Variants in LRRC52 observed in about 807,000 individuals in gnomAD.
LRRC52 encodes the protein leucine rich repeat containing 52.
A neutral mutation model predicts 14.7 loss-of-function variants in LRRC52; 15 were observed. The ratio of observed to expected loss-of-function variants is 1.02; its 90% CI spans 0.68 to 1.58. LRRC52 has a LOEUF of 1.58. Among genes scored for constraint, LRRC52 ranks in the 40% most tolerant of loss-of-function variants. The pLI is 0.00. For missense variants in LRRC52, 400 were observed against 387.7 expected (o/e 1.03, Z -0.27); for synonymous variants, 180 against 163.9 (o/e 1.10, Z -0.75).
intron 1 of LRRC52, among the ~76,000 whole-genome samples, chr1:165,548,379 C>T (rs1032296098): frequency 3.3e-5 from 5 of 152,182 alleles, no homozygotes; most frequent in Admixed American, 6.5e-5. Context: ...ATGAAGGTAA[C>T]TAACCAAGAA....
In LRRC52 at chr1:165,544,462, C is replaced by A. The variant is rs367686135; in HGVS notation, c.166C>A (p.Arg56=). ...EYPLDIPLNT[R]RLFLNENRIT... is the part of the protein sequence containing the mutation. ...CCCCCTTGACATACCCCTGAACACC[C>A]GGAGGCTGTTCCTGAACGAGAACAG... Residue 56 remains arginine, a synonymous_variant, in exon 1 of 2, where the codon CGG becomes AGG. Coordinates refer to ENST00000294818, the MANE Select transcript of LRRC52 (RefSeq NM_001005214.4). 2 of 1,614,056 alleles carry A rather than the reference C, an allele frequency of 1.2e-6. No homozygotes were observed. The highest frequency in any genetic ancestry group is 2.7e-5 in the African/African-American group (2 of 74,922).
intron 1 of LRRC52, among the ~76,000 whole-genome samples, chr1:165,554,452 T>TTGTTG (rs1661195034): frequency 6.6e-6 from 1 of 151,964 alleles, no homozygotes; most frequent in Admixed American, 6.6e-5. Context: ...GTTGTTGTTG[T>TTGTTG]TTTTTGGAGG....
chr1:165,557,286 C>A (rs1661255024), intron 1 of LRRC52, among the ~76,000 whole-genome samples: 1 of 152,144 alleles, frequency 6.6e-6, no homozygotes, highest in Non-Finnish European at 1.5e-5. Flanking sequence ...TCCATTCCTG[C>A]CTCCTTGGAG....
rs565396303 is a variant in LRRC52, at chr1:165,544,082, G to A, written c.-215G>A. 37 of 608,116 alleles carry A rather than the reference G, an allele frequency of 6.1e-5. No individual in the cohort carries two copies. In the South Asian group the frequency reaches 6.7e-4, roughly 11 times the overall value. 37.7% of individuals were successfully genotyped at this position (608,116 alleles called of 1,614,324 possible). ...AAGCTTCCAGCAGCAGTCTGGGAGCGAGCGACAGAGCCACCAAGCTGGGCG... is the reference window on the plus strand; with the variant it reads ...AAGCTTCCAGCAGCAGTCTGGGAGCAAGCGACAGAGCCACCAAGCTGGGCG... On this transcript the variant is annotated 5_prime_UTR_variant, in exon 1 of 2. Coordinates refer to ENST00000294818, the MANE Select transcript of LRRC52 (RefSeq NM_001005214.4).
rs148504314 is a variant in LRRC52, at chr1:165,560,582, G to A, written c.623-2923G>A. ...AAGGAAATGCTAGGGATGAGTTCAC[G>A]AGTGGGAACAATCACATGTCCTCTG... On this transcript the variant is annotated intron_variant, in intron 1 of 1. Coordinates refer to ENST00000294818, the MANE Select transcript of LRRC52 (RefSeq NM_001005214.4). 3.3e-3 allele frequency among the ~76,000 whole-genome samples: 503 copies of A among 152,300 alleles called. 2 individuals are homozygous for A. The highest frequency in any genetic ancestry group is 0.011 in the African/African-American group (475 of 41,566).
At chr1:165,551,726 T>C (rs1661136002) in intron 1 of LRRC52, among the ~76,000 whole-genome samples, 1 of 152,064 alleles carries the variant, frequency 6.6e-6, no homozygotes, top group South Asian at 2.1e-4. Context: ...ATGTGCTGCT[T>C]CAGGTCCAAG....
chr1:165,545,586 TG>T (rs1661004671), intron 1 of LRRC52, among the ~76,000 whole-genome samples: 1 of 136,330 alleles, frequency 7.3e-6, no homozygotes, highest in Non-Finnish European at 1.6e-5. Context: ...CAGTGCTCAC[TG>T]TGTCAAGCAG....
intron 1 of LRRC52, among the ~76,000 whole-genome samples, chr1:165,562,680 C>A (rs138958290): frequency 2.0e-5 from 3 of 152,152 alleles, no homozygotes; most frequent in Non-Finnish European, 4.4e-5. Flanking sequence ...AGCTCCAGAG[C>A]CCACTTTTCT....
At chr1:165,549,250 C>G (rs1661083415) in intron 1 of LRRC52, among the ~76,000 whole-genome samples, 1 of 152,182 alleles carries the variant, frequency 6.6e-6, no homozygotes, top group Non-Finnish European at 1.5e-5. Flanking sequence ...CCTGAGTCAC[C>G]TGAACCTAGA....
intron 1 of LRRC52, among the ~76,000 whole-genome samples, chr1:165,562,449 A>G (rs546615871): frequency 6.6e-6 from 1 of 152,272 alleles, no homozygotes; most frequent in East Asian, 1.9e-4. Context: ...TGGAGTTAGA[A>G]AAATGTAGGG....
chr1:165,556,961 C>T (rs1443753099), intron 1 of LRRC52, among the ~76,000 whole-genome samples: 1 of 152,122 alleles, frequency 6.6e-6, no homozygotes, highest in Non-Finnish European at 1.5e-5. Context: ...GGAACCTGTC[C>T]TAAACAACAG....
intron 1 of LRRC52, 54 bp downstream of exon 1, chr1:165,544,972 A>C: frequency 1.3e-6 from 2 of 1,589,280 alleles, no homozygotes; most frequent in Non-Finnish European, 1.7e-6. Flanking sequence ...GGCTCCAGAA[A>C]AGGTGAACTC....
rs760411659 is a variant in LRRC52 at position 165,544,383 on chromosome 1, TTGTC to T, written c.91_94del (p.Leu31ValfsTer6). Reference sequence around the variant, plus strand: ...TATCAGGGTCAAAGTGTCCAAATAATTGTCTGTGTCAAGCCCAAGAAGTAATCTG... The same window carrying T: ...TATCAGGGTCAAAGTGTCCAAATAATTGTGTCAAGCCCAAGAAGTAATCTG... On this transcript the variant is annotated frameshift_variant, in exon 1 of 2. Transcript: ENST00000294818. LOFTEE classifies it high-confidence loss of function. 4 of 1,614,050 alleles carry T rather than the reference TTGTC, an allele frequency of 2.5e-6. No individual in the cohort carries two copies. The highest frequency in any genetic ancestry group is 2.2e-5 in the East Asian group (1 of 44,870).
intron 1 of LRRC52, among the ~76,000 whole-genome samples, chr1:165,556,285 G>T (rs1230268891): frequency 6.6e-6 from 1 of 152,170 alleles, no homozygotes; most frequent in African/African-American, 2.4e-5. Flanking sequence ...TAAAGCACAG[G>T]AATAATCAGG....
intron 1 of LRRC52, among the ~76,000 whole-genome samples, chr1:165,561,640 A>G (rs983002233): frequency 3.9e-5 from 6 of 152,238 alleles, no homozygotes; most frequent in Non-Finnish European, 7.3e-5. Context: ...ACCATCCCAC[A>G]CTGTCTAGAG....
At chr1:165,554,723 C>T (rs1661199558) in intron 1 of LRRC52, among the ~76,000 whole-genome samples, 1 of 152,196 alleles carries the variant, frequency 6.6e-6, no homozygotes, top group Non-Finnish European at 1.5e-5. Flanking sequence ...AGCCACTGCA[C>T]CCGGCCAATG....
At chr1:165,558,397 C>G (rs1048417947) in intron 1 of LRRC52, among the ~76,000 whole-genome samples, 7 of 152,118 alleles carry the variant, frequency 4.6e-5, no homozygotes, top group Non-Finnish European at 8.8e-5. Flanking sequence ...TTGCCGACCC[C>G]CTGTGTGAGA....
At chr1:165,545,786 T>C (rs866660776) in intron 1 of LRRC52, among the ~76,000 whole-genome samples, 12 of 152,192 alleles carry the variant, frequency 7.9e-5, no homozygotes, top group Middle Eastern at 3.4e-3. Flanking sequence ...AATAATAGCA[T>C]TTTTACCCAG....
rs1470381290 is a variant in LRRC52, at chr1:165,544,136, T to C, written c.-161T>C. 2.0e-5 allele frequency: 18 copies of C among 888,678 alleles called. No homozygotes were observed. The highest frequency in any genetic ancestry group is 2.7e-5 in the Non-Finnish European group (16 of 591,412). The allele number at this position is 888,678 out of a possible 1,614,324, so 55.0% of individuals were successfully genotyped here. On this transcript the variant is annotated 5_prime_UTR_variant, in exon 1 of 2. Coordinates refer to ENST00000294818, the MANE Select transcript of LRRC52 (RefSeq NM_001005214.4). Reference sequence around the variant, plus strand: ...GGGCATTGAGCCTCGCGTTTCAATTTCTGTTCAGTTCTCCTGTAATGGAAA... The same window carrying C: ...GGGCATTGAGCCTCGCGTTTCAATTCCTGTTCAGTTCTCCTGTAATGGAAA...
Sources: allele counts gnomAD v4.1 joint callset (sites outside exome capture counted in the v4.1 genomes callset), GRCh38; gene constraint gnomAD v4.1.1; transcripts MANE v1.5; gene names NCBI Gene and HGNC (gene_info 2026-07-23, HGNC 2026-07-21).